Variants in LINGO2 observed in about 807,000 individuals in gnomAD.
The protein encoded by LINGO2 is leucine-rich repeat and immunoglobulin-like domain-containing nogo receptor-interacting protein 2.
A neutral mutation model predicts 30.6 loss-of-function variants in LINGO2; 14 were observed. The observed-to-expected ratio is 0.46, with a 90% CI of 0.30 to 0.72. LINGO2 has a LOEUF of 0.72. Among genes scored for constraint, LINGO2 ranks in the 30% least tolerant of loss-of-function variants. LINGO2 has a pLI of 0.07. For missense variants in LINGO2, 729 were observed against 751.7 expected, an observed-to-expected ratio of 0.97 and a Z score of 0.35; for synonymous variants, 317 against 288.5, an observed-to-expected ratio of 1.10 and a Z score of -1.00.
At chr9:28,856,107 C>A in the LINGO2 span, among the ~76,000 whole-genome samples, 1 of 151,884 alleles carries the variant, frequency 6.6e-6, no homozygotes, top group Admixed American at 6.6e-5. Flanking sequence ...GGCCAAATTA[C>A]AGTTGCTTCA....
chr9:29,079,499 G>A, the LINGO2 span, among the ~76,000 whole-genome samples: 2 of 151,982 alleles, frequency 1.3e-5, no homozygotes, highest in African/African-American at 2.4e-5. Flanking sequence ...CAGCTATTAA[G>A]GGTATCATGA....
At chr9:28,587,173 T>C (rs934802056) in intron 1 of LINGO2, among the ~76,000 whole-genome samples, 4 of 152,050 alleles carry the variant, frequency 2.6e-5, no homozygotes, top group Non-Finnish European at 2.9e-5. Flanking sequence ...CTTGACTATG[T>C]TGGTGGGGAT....
At chr9:29,198,567 G>A in the LINGO2 span, among the ~76,000 whole-genome samples, 1 of 152,156 alleles carries the variant, frequency 6.6e-6, no homozygotes, top group Non-Finnish European at 1.5e-5. Flanking sequence ...CCTAAGACCA[G>A]TGTTGTAGGA....
At chr9:28,757,076 T>A in the LINGO2 span, among the ~76,000 whole-genome samples, 1 of 152,034 alleles carries the variant, frequency 6.6e-6, no homozygotes, top group Non-Finnish European at 1.5e-5. Context: ...AAGGTGACTT[T>A]TAGCTTTAAC....
At chr9:29,010,629 C>T in the LINGO2 span, among the ~76,000 whole-genome samples, 1 of 152,110 alleles carries the variant, frequency 6.6e-6, no homozygotes, top group Non-Finnish European at 1.5e-5. Flanking sequence ...TTTTACTGAA[C>T]TTCATGACAA....
chr9:28,641,488 A>G (rs1476110307), intron 1 of LINGO2, among the ~76,000 whole-genome samples: 3 of 152,168 alleles, frequency 2.0e-5, no homozygotes, highest in East Asian at 1.9e-4. Context: ...ACATAGCCCA[A>G]TATACCATTG....
At chr9:28,960,336 C>A in the LINGO2 span, among the ~76,000 whole-genome samples, 1 of 151,830 alleles carries the variant, frequency 6.6e-6, no homozygotes, top group East Asian at 2.0e-4. Context: ...TCTGTCTCTA[C>A]AAAACACAAA....
intron 4 of LINGO2, among the ~76,000 whole-genome samples, chr9:28,028,804 CCA>C (rs1476443913): frequency 1.3e-5 from 2 of 151,896 alleles, no homozygotes; most frequent in African/African-American, 4.8e-5. Context: ...GGATGAGAAT[CCA>C]CAGATATGGA....
chr9:28,860,679 T>TATATATATATATCTTTC, the LINGO2 span, among the ~76,000 whole-genome samples: 1 of 70,010 alleles, frequency 1.4e-5, no homozygotes, highest in Non-Finnish European at 2.6e-5. Flanking sequence ...ATATATTTCA[T>TATATATATATATCTTTC]ATATATATAT....
chr9:28,886,081 T>C, the LINGO2 span, among the ~76,000 whole-genome samples: 1 of 152,160 alleles, frequency 6.6e-6, no homozygotes, highest in African/African-American at 2.4e-5. Context: ...TACAAATAAA[T>C]AGAATAACCT....
chr9:28,740,248 A>G, the LINGO2 span, among the ~76,000 whole-genome samples: 2 of 151,788 alleles, frequency 1.3e-5, 1 homozygote, highest in Non-Finnish European at 2.9e-5. Context: ...ACAGTATTCT[A>G]TAGATATCTG....
intron 4 of LINGO2, among the ~76,000 whole-genome samples, chr9:28,162,408 G>T (rs1465238927): frequency 6.6e-6 from 1 of 152,220 alleles, no homozygotes; most frequent in Admixed American, 6.5e-5. Flanking sequence ...CACAGGGAAA[G>T]GCTTTGATTC....
At chr9:28,228,162 GTTCCTACCTTTTA>G (rs1267965843) in intron 4 of LINGO2, among the ~76,000 whole-genome samples, 2 of 151,868 alleles carry the variant, frequency 1.3e-5, no homozygotes, top group Non-Finnish European at 2.9e-5. Context: ...CTAATGAGGA[GTTCCTACCTTTTA>G]TAATTATCTA....
intron 4 of LINGO2, among the ~76,000 whole-genome samples, chr9:28,293,082 T>G (rs900509962): frequency 3.3e-5 from 5 of 151,836 alleles, no homozygotes; most frequent in Non-Finnish European, 5.9e-5. Flanking sequence ...GGCCCTGATT[T>G]TTTAAAAATT....
chr9:28,209,867 G>T (rs1490772696), intron 4 of LINGO2, among the ~76,000 whole-genome samples: 1 of 151,542 alleles, frequency 6.6e-6, no homozygotes. Context: ...TAAGTAAACA[G>T]ATTCATCCTC....
chr9:28,076,917 G>T (rs896709964), intron 4 of LINGO2, among the ~76,000 whole-genome samples: 1 of 152,078 alleles, frequency 6.6e-6, no homozygotes, highest in African/African-American at 2.4e-5. Context: ...AAATTCTAAT[G>T]TCTATTATTT....
In LINGO2 at chr9:28,107,523, C is replaced by G. The variant is rs1198563793; in HGVS notation, c.-86-95118G>C. Among the ~76,000 whole-genome samples the G allele has an allele frequency of 3.9e-5, 6 of 152,144 alleles. No homozygotes were observed. The East Asian group carries it at 1.2e-3, about 29-fold the overall frequency. On this transcript the variant is annotated intron_variant, in intron 4 of 5. Coordinates refer to ENST00000379992, the Ensembl canonical transcript of LINGO2. ...CTCTAAAAATCTATGACTCTCTCTA[C>G]TATGCATATTTCTGAGCCACTCCAT...
the LINGO2 span, among the ~76,000 whole-genome samples, chr9:29,148,974 G>A: frequency 2.6e-5 from 4 of 152,192 alleles, no homozygotes; most frequent in Admixed American, 2.6e-4. Flanking sequence ...TTATTCATAC[G>A]CAATTATTCC....
chr9:28,306,816 C>A (rs1331560867), intron 3 of LINGO2, among the ~76,000 whole-genome samples: 2 of 152,164 alleles, frequency 1.3e-5, no homozygotes, highest in East Asian at 1.9e-4. Context: ...CGCAAATAAA[C>A]TAGAAAATGT....
Sources: gnomAD v4.1 joint callset for allele counts (sites outside exome capture counted in the v4.1 genomes callset) on GRCh38, gnomAD v4.1.1 for gene constraint, MANE v1.5 for transcripts, NCBI Gene and HGNC (gene_info 2026-07-23, HGNC 2026-07-21) for gene names.